NPAS3: variants seen among roughly 807,000 people sequenced by gnomAD.
The protein encoded by NPAS3 is neuronal PAS domain-containing protein 3.
Under a neutral mutation model 73.1 loss-of-function variants are expected in NPAS3, and 14 were observed. The observed-to-expected ratio is 0.19, with a 90% CI of 0.13 to 0.30. NPAS3 has a LOEUF of 0.30. Among genes scored for constraint, NPAS3 ranks in the 10% least tolerant of loss-of-function variants. The pLI, the probability that NPAS3 is intolerant of heterozygous loss-of-function variation, is 1.00. For synonymous variants in NPAS3, 620 were observed against 541.5 expected, an observed-to-expected ratio of 1.14 and a Z score of -2.01; for missense variants, 1,096 against 1,250.0, an observed-to-expected ratio of 0.88 and a Z score of 1.86.
chr14:33,584,578 T>C (rs1190918017), intron 5 of NPAS3, among the ~76,000 whole-genome samples: 1 of 152,182 alleles, frequency 6.6e-6, no homozygotes, highest in East Asian at 1.9e-4. Flanking sequence ...AAAGAATGGC[T>C]GGCAGGACAA....
chr14:33,634,561 A>AG (rs1484139297), intron 5 of NPAS3, among the ~76,000 whole-genome samples: 1 of 152,228 alleles, frequency 6.6e-6, no homozygotes, highest in Non-Finnish European at 1.5e-5. Context: ...GGACAGTAAC[A>AG]GAGAGCACCA....
chr14:33,141,596 A>G (rs1036271792), intron 2 of NPAS3, among the ~76,000 whole-genome samples: 4 of 152,232 alleles, frequency 2.6e-5, no homozygotes, highest in African/African-American at 9.6e-5. Context: ...TTACTTTGCT[A>G]GCGTGTCTCA....
intron 2 of NPAS3, among the ~76,000 whole-genome samples, chr14:33,177,284 G>T (rs2045628455): frequency 6.6e-6 from 1 of 151,774 alleles, no homozygotes; most frequent in Admixed American, 6.6e-5. Context: ...TTTTAGTAGA[G>T]ACAGGGTTTC....
chr14:33,372,555 G>T (rs12433353), intron 4 of NPAS3, among the ~76,000 whole-genome samples: 33,825 of 152,064 alleles, frequency 0.22, 4,302 homozygotes, highest in East Asian at 0.36. Flanking sequence ...CTCTGGGGCC[G>T]CCATTCACAA....
intron 5 of NPAS3, among the ~76,000 whole-genome samples, chr14:33,642,456 C>T (rs987893995): frequency 6.6e-6 from 1 of 152,064 alleles, no homozygotes; most frequent in Non-Finnish European, 1.5e-5. Context: ...GAACAATGGC[C>T]CAGGAATGTT....
At chr14:33,310,651 A>T (rs1032768040) in intron 3 of NPAS3, among the ~76,000 whole-genome samples, 1 of 152,252 alleles carries the variant, frequency 6.6e-6, no homozygotes, top group East Asian at 1.9e-4. Flanking sequence ...CTGTCACACA[A>T]TGCCTCACAT....
At chr14:33,238,933 T>C (rs2048127376) in intron 3 of NPAS3, among the ~76,000 whole-genome samples, 1 of 151,976 alleles carries the variant, frequency 6.6e-6, no homozygotes, top group Admixed American at 6.6e-5. Flanking sequence ...TCTGCAAGTA[T>C]ACAAGGTACT....
chr14:33,252,044 CGTGTGTGTGTGTCTGTGTGTGTGTGT>C (rs920459748), intron 3 of NPAS3, among the ~76,000 whole-genome samples: 3 of 107,064 alleles, frequency 2.8e-5, no homozygotes, highest in South Asian at 3.7e-4. Flanking sequence ...TGGGTGTTTG[CGTGTGTGTGTGTCTGTGTGTGTGTGT>C]GTGTGTGTGT....
intron 3 of NPAS3, among the ~76,000 whole-genome samples, chr14:33,305,621 G>A (rs945437146): frequency 2.0e-5 from 3 of 152,030 alleles, no homozygotes; most frequent in African/African-American, 4.8e-5. Flanking sequence ...TTTAAGATTG[G>A]TAATTGGAAA....
chr14:32,945,942 A>C (rs1005380883), intron 1 of NPAS3, among the ~76,000 whole-genome samples: 1 of 152,156 alleles, frequency 6.6e-6, no homozygotes, highest in African/African-American at 2.4e-5. Context: ...GAAGTTCTCA[A>C]GGCCCTCTTC....
intron 2 of NPAS3, among the ~76,000 whole-genome samples, chr14:33,170,805 C>T (rs1054993671): frequency 6.6e-6 from 1 of 152,198 alleles, no homozygotes; most frequent in African/African-American, 2.4e-5. Context: ...CATTTCCATA[C>T]ATCTGCAATG....
intron 3 of NPAS3, among the ~76,000 whole-genome samples, chr14:33,221,869 C>T (rs919785591): frequency 2.6e-5 from 4 of 152,044 alleles, no homozygotes; most frequent in African/African-American, 4.8e-5. Context: ...AACTTTTCCT[C>T]GCCTATCACA....
At chr14:33,414,753 G>A (rs2048077840) in intron 4 of NPAS3, among the ~76,000 whole-genome samples, 1 of 152,104 alleles carries the variant, frequency 6.6e-6, no homozygotes, top group Non-Finnish European at 1.5e-5. Context: ...CAACTTGAAG[G>A]CACTGGGGTT....
intron 1 of NPAS3, among the ~76,000 whole-genome samples, chr14:33,037,564 G>T (rs920094084): frequency 6.6e-6 from 1 of 152,168 alleles, no homozygotes; most frequent in African/African-American, 2.4e-5. Context: ...TGCTAAAGAG[G>T]CTGAGGTAGG....
chr14:33,695,393 G>A (rs190458142), intron 6 of NPAS3, among the ~76,000 whole-genome samples: 20 of 152,274 alleles, frequency 1.3e-4, no homozygotes, highest in South Asian at 4.1e-4. Context: ...ATAATACACT[G>A]TCTAATATTA....
chr14:33,785,567 A>T (rs2063145895), intron 9 of NPAS3, among the ~76,000 whole-genome samples: 1 of 152,208 alleles, frequency 6.6e-6, no homozygotes, highest in Non-Finnish European at 1.5e-5. Context: ...ACTATTTTTT[A>T]AATTGTTTCC....
At chr14:33,082,291 G>A (rs746685973) in intron 2 of NPAS3, among the ~76,000 whole-genome samples, 15 of 152,098 alleles carry the variant, frequency 9.9e-5, no homozygotes, top group Non-Finnish European at 2.1e-4. Flanking sequence ...CCTAGCAGCC[G>A]CAAGGCACAC....
At chr14:33,670,675 C>G (rs1014924891) in intron 5 of NPAS3, among the ~76,000 whole-genome samples, 3 of 151,582 alleles carry the variant, frequency 2.0e-5, no homozygotes, top group Admixed American at 2.0e-4. Flanking sequence ...GATAGAACTT[C>G]CACCTGATCC....
At chr14:33,360,553 T>C (rs2045551069) in intron 3 of NPAS3, among the ~76,000 whole-genome samples, 1 of 152,260 alleles carries the variant, frequency 6.6e-6, no homozygotes, top group Admixed American at 6.5e-5. Flanking sequence ...GCAATCCCTG[T>C]GACATCAAGT....
Sources: allele counts gnomAD v4.1 joint callset (sites outside exome capture counted in the v4.1 genomes callset), GRCh38; gene constraint gnomAD v4.1.1; transcripts MANE v1.5; gene names NCBI Gene and HGNC (gene_info 2026-07-23, HGNC 2026-07-21).